Variants in ADCY9 observed in about 807,000 individuals in gnomAD.
The protein encoded by ADCY9 is adenylate cyclase type 9.
A neutral mutation model predicts 101.5 loss-of-function variants in ADCY9; 50 were observed. The ratio of observed to expected loss-of-function variants is 0.49; its 90% CI spans 0.39 to 0.62. The LOEUF is 0.62. Ranked by LOEUF, ADCY9 falls within the 20% of genes least tolerant of loss-of-function variation. ADCY9 has a pLI of 0.00. For synonymous variants in ADCY9, 905 were observed against 769.3 expected, an observed-to-expected ratio of 1.18 and a Z score of -2.92; for missense variants, 1,662 against 1,800.4, an observed-to-expected ratio of 0.92 and a Z score of 1.39.
chr16:4,087,612 C>T (rs2056947622), intron 2 of ADCY9, among the ~76,000 whole-genome samples: 1 of 150,894 alleles, frequency 6.6e-6, no homozygotes, highest in African/African-American at 2.4e-5. Flanking sequence ...CTGCACAGTT[C>T]AGGGAGGGCA....
downstream of ADCY9, among the ~76,000 whole-genome samples, chr16:3,962,047 A>AT (rs1472359996): frequency 1.3e-5 from 2 of 151,766 alleles, no homozygotes; most frequent in Admixed American, 1.3e-4. Flanking sequence ...ATTAAAAAAA[A>AT]AATAACTCAT....
At chr16:4,022,490 C>CAAAAAAAAAAAA (rs58498676) in intron 2 of ADCY9, among the ~76,000 whole-genome samples, 1 of 65,048 alleles carries the variant, frequency 1.5e-5, no homozygotes, top group Non-Finnish European at 2.5e-5. Flanking sequence ...GACTCCGTCT[C>CAAAAAAAAAAAA]AAAAAAAAAA....
At chr16:4,101,683 G>C (rs2057044312) in intron 2 of ADCY9, among the ~76,000 whole-genome samples, 1 of 152,140 alleles carries the variant, frequency 6.6e-6, no homozygotes, top group Non-Finnish European at 1.5e-5. Flanking sequence ...CCTTGCCAAT[G>C]GTAGGAACCC....
chr16:4,067,228 A>G (rs1476872164), intron 2 of ADCY9, among the ~76,000 whole-genome samples: 9 of 152,232 alleles, frequency 5.9e-5, no homozygotes, highest in Non-Finnish European at 1.0e-4. Context: ...TTGAAATAAT[A>G]TTTAGAAACA....
intron 2 of ADCY9, among the ~76,000 whole-genome samples, chr16:4,022,069 A>G (rs1429194877): frequency 6.6e-6 from 1 of 152,194 alleles, no homozygotes; most frequent in Non-Finnish European, 1.5e-5. Flanking sequence ...GCCTTCCCTC[A>G]GCCACCTTTG....
At chr16:4,012,602 TC>T (rs2056411566) in intron 2 of ADCY9, among the ~76,000 whole-genome samples, 1 of 152,198 alleles carries the variant, frequency 6.6e-6, no homozygotes, top group African/African-American at 2.4e-5. Context: ...ATGTCTTTTA[TC>T]AGCTTAATTT....
intron 2 of ADCY9, among the ~76,000 whole-genome samples, chr16:4,064,465 A>G (rs1346985692): frequency 1.3e-5 from 2 of 152,018 alleles, no homozygotes; most frequent in Non-Finnish European, 2.9e-5. Flanking sequence ...AATCATCCAT[A>G]ATAAAGTGTT....
At chr16:4,010,022 T>G (rs1202557972) in intron 2 of ADCY9, among the ~76,000 whole-genome samples, 3 of 152,172 alleles carry the variant, frequency 2.0e-5, no homozygotes, top group African/African-American at 7.2e-5. Context: ...CCCCACATAC[T>G]GAGAGAGGAG....
At chr16:4,095,556 T>C (rs2056998353) in intron 2 of ADCY9, among the ~76,000 whole-genome samples, 2 of 152,196 alleles carry the variant, frequency 1.3e-5, no homozygotes, top group African/African-American at 4.8e-5. Context: ...TACTGGCAAC[T>C]AACCTTCCAA....
chr16:3,975,065 G>A (rs1055993172), intron 9 of ADCY9, among the ~76,000 whole-genome samples: 1 of 152,138 alleles, frequency 6.6e-6, no homozygotes, highest in African/African-American at 2.4e-5. Flanking sequence ...TTGAACTCTG[G>A]GCACAAAGGC....
intron 8 of ADCY9, 77 bp from the exon 9 acceptor site, chr16:3,977,707 C>A (rs926285891): frequency 1.3e-6 from 2 of 1,506,648 alleles, no homozygotes; most frequent in Non-Finnish European, 8.9e-7. Flanking sequence ...CCAAAACATT[C>A]GCCACTAATC....
downstream of ADCY9, among the ~76,000 whole-genome samples, chr16:3,958,279 C>A (rs2055918551): frequency 6.6e-6 from 1 of 152,112 alleles, no homozygotes; most frequent in African/African-American, 2.4e-5. Context: ...CGGTAGCTCA[C>A]GCCTGTAACC....
chr16:4,022,910 C>A (rs2056487669), intron 2 of ADCY9, among the ~76,000 whole-genome samples: 1 of 152,134 alleles, frequency 6.6e-6, no homozygotes, highest in East Asian at 1.9e-4. Context: ...GAGATTAGAC[C>A]TATTCTAAAT....
At chr16:3,962,010 A>G (rs2055942210), downstream of ADCY9, among the ~76,000 whole-genome samples, 1 of 151,168 alleles carries the variant, frequency 6.6e-6, no homozygotes, top group African/African-American at 2.4e-5. Context: ...TGGGTGACAG[A>G]GTGAGACTCT....
At chr16:4,036,488 A>C (rs2056591243) in intron 2 of ADCY9, among the ~76,000 whole-genome samples, 1 of 118,616 alleles carries the variant, frequency 8.4e-6, no homozygotes, top group African/African-American at 3.1e-5. Flanking sequence ...TTTTTGAGAC[A>C]ATCTCGCTCT....
At chr16:3,975,033 A>C (rs1470059393) in intron 9 of ADCY9, among the ~76,000 whole-genome samples, 1 of 152,152 alleles carries the variant, frequency 6.6e-6, no homozygotes, top group African/African-American at 2.4e-5. Flanking sequence ...TTCAACCATC[A>C]TCCCTACCCC....
rs141254290 is a variant in ADCY9, at chr16:4,000,968, TAC to T, written c.1884+6398_1884+6399del. On this transcript the variant is annotated intron_variant, in intron 3 of 10. Coordinates refer to ENST00000294016, the MANE Select transcript of ADCY9 (RefSeq NM_001116.4). ...GCACATACATTTCCATCCCTCTCTC[TAC>T]ACACACACACACACACACACACACA... Among the ~76,000 whole-genome samples, 1,119 of 125,306 alleles carry T rather than the reference TAC, an allele frequency of 8.9e-3. 13 individuals are homozygous for T. The highest frequency in any genetic ancestry group is 0.025 in the African/African-American group (850 of 34,516). The allele number at this position is 125,306 out of a possible 152,430, so 82.2% of individuals were successfully genotyped here. A position where few individuals can be genotyped will look rare whatever the true frequency, so the allele number is the denominator to read the frequency against.
At chr16:4,000,968 T>TCTACACAC (rs1555508135) in intron 3 of ADCY9, among the ~76,000 whole-genome samples, 1 of 125,258 alleles carries the variant, frequency 8.0e-6, no homozygotes, top group East Asian at 2.4e-4. Flanking sequence ...TCCCTCTCTC[T>TCTACACAC]ACACACACAC....
intron 2 of ADCY9, among the ~76,000 whole-genome samples, chr16:4,097,553 A>ATATATATTTTTTTT (rs1382458827): frequency 1.9e-4 from 10 of 53,416 alleles, no homozygotes; most frequent in African/African-American, 4.3e-4. Flanking sequence ...ATATATATAT[A>ATATATATTTTTTTT]TTTTTTTTTT....
Sources: allele counts gnomAD v4.1 joint callset (sites outside exome capture counted in the v4.1 genomes callset), GRCh38; gene constraint gnomAD v4.1.1; transcripts MANE v1.5; gene names NCBI Gene and HGNC (gene_info 2026-07-23, HGNC 2026-07-21).